LIPK: variants seen among roughly 807,000 people sequenced by gnomAD.
LIPK encodes lipase family member K.
LIPK carries 32 observed loss-of-function variants against 48.6 expected under a neutral mutation model. The observed-to-expected ratio is 0.66, with a 90% CI of 0.50 to 0.88. The LOEUF (loss-of-function observed/expected upper bound fraction) is 0.88, where lower values mean the gene tolerates loss of function less well. LIPK is among the 40% of genes least tolerant of loss of function. The pLI, the probability that LIPK is intolerant of heterozygous loss-of-function variation, is 0.00. For missense variants in LIPK, 507 were observed against 478.5 expected (o/e 1.06, Z -0.56); for synonymous variants, 164 against 157.4 (o/e 1.04, Z -0.32).
chr10:88,717,567 T>G (rs1017758385), intron 1 of LIPK, among the ~76,000 whole-genome samples: 4 of 152,204 alleles, frequency 2.6e-5, no homozygotes, highest in Non-Finnish European at 5.9e-5. Context: ...TTTCTAGAAT[T>G]CTTTCATTAA....
Position 88,731,100 on chromosome 10 carries a change from G to T in LIPK, c.341G>T (p.Trp114Leu), listed in dbSNP as rs1004014958. 1.9e-6 allele frequency: 3 copies of T among 1,607,060 alleles called. No homozygotes were observed. In the African/African-American group the frequency reaches 4.0e-5, roughly 21 times the overall value. ...FLLADSGYDV[W>L]LGNSRGNTWS... is the part of the protein sequence containing the mutation. ...CTGGCAGATAGTGGTTATGACGTGTGGTTGGGGAACAGCCGAGGAAACACT... is the reference window on the plus strand; with the variant it reads ...CTGGCAGATAGTGGTTATGACGTGTTGTTGGGGAACAGCCGAGGAAACACT... Residue 114 changes from tryptophan (W) to leucine (L), a missense_variant, in exon 4 of 10, where the codon TGG becomes TTG. Physicochemically the swap from Trp to Leu is moderately conservative, Grantham distance 61 (BLOSUM62 -2). Coordinates refer to ENST00000404190, the MANE Select transcript of LIPK (RefSeq NM_001080518.2).
intron 9 of LIPK, among the ~76,000 whole-genome samples, chr10:88,744,355 G>GCCA (rs1590159990): frequency 1.3e-5 from 2 of 152,292 alleles, no homozygotes; most frequent in East Asian, 3.9e-4. Flanking sequence ...TGCAAACCTT[G>GCCA]CCACCACCAC....
intron 1 of LIPK, among the ~76,000 whole-genome samples, chr10:88,719,856 C>T (rs932729485): frequency 2.6e-5 from 4 of 152,116 alleles, no homozygotes; most frequent in African/African-American, 9.7e-5. Context: ...TTCTGATATT[C>T]TTTTGTTGAG....
intron 1 of LIPK, among the ~76,000 whole-genome samples, chr10:88,710,048 CT>C (rs149788519): frequency 0.011 from 1,709 of 151,900 alleles, 38 homozygotes; most frequent in African/African-American, 0.039. Context: ...ACTTTTTCCT[CT>C]ATTTAACATA....
intron 2 of LIPK, among the ~76,000 whole-genome samples, chr10:88,725,515 A>T (rs545283107): frequency 3.9e-5 from 6 of 152,362 alleles, no homozygotes; most frequent in African/African-American, 1.4e-4. Flanking sequence ...CCCACAATTT[A>T]TACATGCATC....
rs1411616588 is a variant in LIPK, at chr10:88,724,536, G to T, written c.-8G>T. On this transcript the variant is annotated 5_prime_UTR_variant, in exon 2 of 10. Coordinates refer to ENST00000404190, the MANE Select transcript of LIPK (RefSeq NM_001080518.2). Reference sequence around the variant, plus strand: ...TATATTAAATTTCCTTTCCTAGGCAGATCCCAAATGTGGCAGCTTTTAGCA... The same window carrying T: ...TATATTAAATTTCCTTTCCTAGGCATATCCCAAATGTGGCAGCTTTTAGCA... 1 of 1,579,348 alleles carries T rather than the reference G, an allele frequency of 6.3e-7. No homozygotes were observed. Among genetic ancestry groups the T allele is most frequent in the Non-Finnish European group, 8.6e-7 (1 of 1,157,978 alleles).
chr10:88,741,429 T>G (rs1842678422), intron 8 of LIPK, among the ~76,000 whole-genome samples: 1 of 152,186 alleles, frequency 6.6e-6, no homozygotes, highest in Non-Finnish European at 1.5e-5. Context: ...TCTTGTTTTG[T>G]TGCCTAGGCT....
intron 9 of LIPK, among the ~76,000 whole-genome samples, chr10:88,749,206 C>T (rs1487442738): frequency 6.6e-6 from 1 of 152,152 alleles, no homozygotes; most frequent in Non-Finnish European, 1.5e-5. Context: ...AATCAATTTA[C>T]AGATTCAATG....
chr10:88,708,686 T>G (rs1841977518), intron 1 of LIPK, among the ~76,000 whole-genome samples: 1 of 152,114 alleles, frequency 6.6e-6, no homozygotes, highest in Non-Finnish European at 1.5e-5. Context: ...AATGATTTGA[T>G]GCCTAATATC....
intron 9 of LIPK, among the ~76,000 whole-genome samples, chr10:88,749,189 C>T (rs1319164103): frequency 6.6e-6 from 1 of 152,170 alleles, no homozygotes; most frequent in Non-Finnish European, 1.5e-5. Flanking sequence ...AATGGCCATA[C>T]TGTCCAAATC....
intron 6 of LIPK, among the ~76,000 whole-genome samples, chr10:88,735,464 G>A (rs1842552918): frequency 6.6e-6 from 1 of 152,192 alleles, no homozygotes; most frequent in Non-Finnish European, 1.5e-5. Context: ...GCGAGAATTT[G>A]AACCCAGATC....
chr10:88,720,599 C>CTTA (rs1199546318), intron 1 of LIPK, among the ~76,000 whole-genome samples: 1 of 151,908 alleles, frequency 6.6e-6, no homozygotes, highest in Non-Finnish European at 1.5e-5. Context: ...TATAGTGAAC[C>CTTA]TTAATTATAA....
chr10:88,707,500 T>C (rs1841956886), intron 1 of LIPK, among the ~76,000 whole-genome samples: 1 of 152,156 alleles, frequency 6.6e-6, no homozygotes, highest in Non-Finnish European at 1.5e-5. Flanking sequence ...TCCTTCATAT[T>C]ATCGAAGACA....
chr10:88,716,356 C>CTTTTTTTTTTTTTTTTTTTTTTTTTTTT (rs11374780), intron 1 of LIPK, among the ~76,000 whole-genome samples: 1 of 120,338 alleles, frequency 8.3e-6, no homozygotes, highest in Non-Finnish European at 1.7e-5. Flanking sequence ...AGGAAAATTT[C>CTTTTTTTTTTTTTTTTTTTTTTTTTTTT]TTTTTTTTTT....
At chr10:88,730,498 G>C (rs1274783415) in intron 3 of LIPK, among the ~76,000 whole-genome samples, 1 of 152,068 alleles carries the variant, frequency 6.6e-6, no homozygotes, top group Non-Finnish European at 1.5e-5. Context: ...CACTGTGTTA[G>C]CCAGGATGGC....
intron 9 of LIPK, among the ~76,000 whole-genome samples, chr10:88,745,077 T>C (rs1842743694): frequency 6.6e-6 from 1 of 151,418 alleles, no homozygotes; most frequent in African/African-American, 2.4e-5. Flanking sequence ...CAGACAAAAA[T>C]AAAGAAAAAA....
chr10:88,733,746 C>T (rs927266877), intron 6 of LIPK, among the ~76,000 whole-genome samples: 1 of 152,192 alleles, frequency 6.6e-6, no homozygotes, highest in Non-Finnish European at 1.5e-5. Flanking sequence ...CAGCTCTCTT[C>T]AAACTTCTGC....
intron 6 of LIPK, among the ~76,000 whole-genome samples, chr10:88,733,032 C>T (rs1438497860): frequency 6.6e-6 from 1 of 152,160 alleles, no homozygotes. Flanking sequence ...TAGGGCTACC[C>T]TGAGGACTAA....
intron 9 of LIPK, among the ~76,000 whole-genome samples, chr10:88,746,774 A>C (rs1842773355): frequency 6.6e-6 from 1 of 152,216 alleles, no homozygotes; most frequent in African/African-American, 2.4e-5. Flanking sequence ...ATTACAGCTT[A>C]ACTGAATGAA....
Sources: allele counts gnomAD v4.1 joint callset (sites outside exome capture counted in the v4.1 genomes callset), GRCh38; gene constraint gnomAD v4.1.1; transcripts MANE v1.5; gene names NCBI Gene and HGNC (gene_info 2026-07-23, HGNC 2026-07-21).